EYS: variants seen among roughly 807,000 people sequenced by gnomAD.
The protein encoded by EYS is EGF-like photoreceptor maintenance factor.
EYS carries 250 observed loss-of-function variants against 282.1 expected under a neutral mutation model. The ratio of observed to expected loss-of-function variants is 0.89; its 90% confidence interval spans 0.80 to 0.98. EYS has a LOEUF of 0.98. Ranked by LOEUF, EYS falls within the 50% of genes least tolerant of loss-of-function variation. The pLI, the probability that EYS is intolerant of heterozygous loss-of-function variation, is 0.00. For synonymous variants in EYS, 1,355 were observed against 1,282.9 expected (o/e 1.06, Z -1.20); for missense variants, 4,016 against 3,709.0 (o/e 1.08, Z -2.15).
chr6:65,021,540 T>C (rs1354555577), intron 13 of EYS, among the ~76,000 whole-genome samples: 1 of 152,208 alleles, frequency 6.6e-6, no homozygotes, highest in Non-Finnish European at 1.5e-5. Context: ...GATTCCTTCA[T>C]GTCTCTAAGA....
intron 2 of EYS, among the ~76,000 whole-genome samples, chr6:65,588,711 A>C (rs766124201): frequency 1.3e-5 from 2 of 152,076 alleles, no homozygotes; most frequent in Non-Finnish European, 2.9e-5. Context: ...AGAGAGCTAC[A>C]TTGACACATT....
chr6:63,870,363 C>T (rs1442171275), intron 35 of EYS, among the ~76,000 whole-genome samples: 1 of 152,062 alleles, frequency 6.6e-6, no homozygotes, highest in Admixed American at 6.6e-5. Context: ...CACACAACGT[C>T]GATGGTTGTT....
chr6:65,646,531 A>AT (rs1767456514), intron 1 of EYS, among the ~76,000 whole-genome samples: 1 of 152,198 alleles, frequency 6.6e-6, no homozygotes, highest in Non-Finnish European at 1.5e-5. Context: ...CCTTAAGGTA[A>AT]TAAAAACCAT....
At chr6:65,049,998 C>G (rs963661587) in intron 13 of EYS, among the ~76,000 whole-genome samples, 5 of 151,412 alleles carry the variant, frequency 3.3e-5, no homozygotes, top group Non-Finnish European at 5.9e-5. Flanking sequence ...ATTACCCACC[C>G]AAATGGAGCA....
chr6:65,673,046 C>G (rs926019080), intron 1 of EYS, among the ~76,000 whole-genome samples: 1 of 152,044 alleles, frequency 6.6e-6, no homozygotes, highest in Non-Finnish European at 1.5e-5. Context: ...CAGGAACCAG[C>G]CACTTTCACT....
chr6:64,310,353 T>C (rs996783079), intron 29 of EYS, among the ~76,000 whole-genome samples: 6 of 151,982 alleles, frequency 3.9e-5, no homozygotes, highest in Admixed American at 1.3e-4. Context: ...CAATAATAGA[T>C]TGGATAAAGA....
At chr6:64,803,002 A>G (rs1223333585) in intron 22 of EYS, among the ~76,000 whole-genome samples, 2 of 152,182 alleles carry the variant, frequency 1.3e-5, no homozygotes, top group African/African-American at 2.4e-5. Flanking sequence ...CAAGGTTACA[A>G]CTGGACCAGA....
intron 2 of EYS, among the ~76,000 whole-genome samples, chr6:65,575,184 C>T (rs543791148): frequency 6.9e-4 from 105 of 151,816 alleles, no homozygotes; most frequent in Non-Finnish European, 1.4e-3. Context: ...TTTTGTATTG[C>T]AAGTGTGTAT....
intron 26 of EYS, among the ~76,000 whole-genome samples, chr6:64,500,981 T>A (rs898568295): frequency 3.9e-5 from 6 of 152,034 alleles, no homozygotes; most frequent in African/African-American, 1.4e-4. Context: ...CAATTTCTTT[T>A]TATTTGAGGT....
At chr6:65,359,785 T>C (rs981104438) in intron 8 of EYS, among the ~76,000 whole-genome samples, 4 of 152,012 alleles carry the variant, frequency 2.6e-5, no homozygotes, top group African/African-American at 7.2e-5. Context: ...TTACCACATA[T>C]GTGAATTCAT....
At chr6:64,947,039 A>G (rs545212403) in intron 14 of EYS, among the ~76,000 whole-genome samples, 1 of 152,026 alleles carries the variant, frequency 6.6e-6, no homozygotes, top group South Asian at 2.1e-4. Flanking sequence ...AGAAGTCTAT[A>G]TACTTATAAG....
chr6:65,629,395 C>T (rs1766833388), intron 2 of EYS, among the ~76,000 whole-genome samples: 1 of 152,152 alleles, frequency 6.6e-6, no homozygotes, highest in African/African-American at 2.4e-5. Context: ...TGATTCACTT[C>T]CTTGTAACCA....
intron 26 of EYS, among the ~76,000 whole-genome samples, chr6:64,505,295 T>C (rs1302140486): frequency 6.6e-6 from 1 of 152,222 alleles, no homozygotes; most frequent in Non-Finnish European, 1.5e-5. Context: ...TTTTTGTGGC[T>C]TTTATTTTCT....
intron 2 of EYS, among the ~76,000 whole-genome samples, chr6:65,514,921 A>G (rs1767062584): frequency 6.6e-6 from 1 of 152,178 alleles, no homozygotes; most frequent in African/African-American, 2.4e-5. Flanking sequence ...AATGGCAACA[A>G]AAGCCAAAAT....
intron 12 of EYS, among the ~76,000 whole-genome samples, chr6:65,133,080 A>C (rs1334124906): frequency 6.6e-6 from 1 of 152,086 alleles, no homozygotes; most frequent in Non-Finnish European, 1.5e-5. Flanking sequence ...AAATGGGAAA[A>C]CATTTCATTC....
rs531925015 is a variant in EYS at position 64,215,363 on chromosome 6, T to G, written c.6424+15229A>C. On this transcript the variant is annotated intron_variant, in intron 31 of 42. Coordinates refer to ENST00000503581, the MANE Select transcript of EYS (RefSeq NM_001142800.2). ...ATATCGTAGTCCAAATATTTTATAC[T>G]TGATTTACAAAAGAAGCGAAGGGTA... 3.3e-4 allele frequency among the ~76,000 whole-genome samples: 50 copies of G among 152,204 alleles called. 1 individual carries two copies. The East Asian group carries it at 9.1e-3, about 28-fold the overall frequency.
chr6:64,083,884 T>A (rs1459216149), intron 31 of EYS, among the ~76,000 whole-genome samples: 1 of 152,086 alleles, frequency 6.6e-6, no homozygotes. Flanking sequence ...ATTACAGTCA[T>A]GTGCCACCAT....
At chr6:64,103,686 G>T (rs1772910027) in intron 31 of EYS, among the ~76,000 whole-genome samples, 1 of 152,152 alleles carries the variant, frequency 6.6e-6, no homozygotes, top group South Asian at 2.1e-4. Flanking sequence ...AAACATCTAT[G>T]AGCAGAGAAG....
chr6:65,283,605 T>G (rs1330601180), intron 12 of EYS, among the ~76,000 whole-genome samples: 1 of 152,080 alleles, frequency 6.6e-6, no homozygotes, highest in Non-Finnish European at 1.5e-5. Context: ...TATTTTACTA[T>G]GCCAATAGTA....
Sources: allele counts gnomAD v4.1 joint callset (sites outside exome capture counted in the v4.1 genomes callset), GRCh38; gene constraint gnomAD v4.1.1; transcripts MANE v1.5; gene names NCBI Gene and HGNC (gene_info 2026-07-23, HGNC 2026-07-21).